RNF150: variants seen among roughly 807,000 people sequenced by gnomAD.
The protein encoded by RNF150 is ring finger protein 150.
A neutral mutation model predicts 39.3 loss-of-function variants in RNF150; 24 were observed. That is an observed-to-expected ratio of 0.61 (90% CI 0.44 to 0.86). The LOEUF (loss-of-function observed/expected upper bound fraction) is 0.86, where lower values mean the gene tolerates loss of function less well. Ranked by LOEUF, RNF150 falls within the 40% of genes least tolerant of loss-of-function variation. The pLI is 0.00. For missense variants in RNF150, 502 were observed against 587.8 expected (o/e 0.85, Z 1.51); for synonymous variants, 255 against 227.3 (o/e 1.12, Z -1.10).
In RNF150 at chr4:141,025,894, T is replaced by C. The variant is rs147540924; in HGVS notation, c.485-58021A>G. Among the ~76,000 whole-genome samples, 247 of 152,296 alleles carry C rather than the reference T, an allele frequency of 1.6e-3. 1 individual carries two copies. Among genetic ancestry groups the C allele is most frequent in the Non-Finnish European group, 2.4e-3 (163 of 68,020 alleles). On this transcript the variant is annotated intron_variant, in intron 1 of 6. Transcript: ENST00000515673. ...TTTATGTTGAAACCTGAATTTCCAA[T>C]GTGATGATATTTGGACGTAGGGCCT... is the stretch of plus-strand genomic sequence containing the variant.
intron 1 of RNF150, among the ~76,000 whole-genome samples, chr4:141,067,131 T>C (rs1006144610): frequency 2.6e-5 from 4 of 152,212 alleles, no homozygotes; most frequent in Non-Finnish European, 4.4e-5. Context: ...CAAAATGTTA[T>C]ATGGCACAGG....
intron 1 of RNF150, among the ~76,000 whole-genome samples, chr4:141,180,764 C>A (rs894314962): frequency 1.3e-5 from 2 of 152,102 alleles, no homozygotes; most frequent in Non-Finnish European, 2.9e-5. Context: ...AAGACTTCAT[C>A]TTTCTTTTTA....
intron 2 of RNF150, among the ~76,000 whole-genome samples, chr4:140,958,524 A>G (rs1489865698): frequency 1.3e-5 from 2 of 152,172 alleles, no homozygotes; most frequent in African/African-American, 4.8e-5. Context: ...AAATCATTTT[A>G]TATTTCTCTC....
chr4:141,186,574 ATT>A (rs35383472), intron 1 of RNF150, among the ~76,000 whole-genome samples: 164 of 144,306 alleles, frequency 1.1e-3, no homozygotes, highest in Non-Finnish European at 1.8e-3. Context: ...ATTTTTTTGT[ATT>A]TTTTTTTTTT....
At chr4:141,190,361 A>G (rs1301259192) in intron 1 of RNF150, among the ~76,000 whole-genome samples, 1 of 152,172 alleles carries the variant, frequency 6.6e-6, no homozygotes, top group African/African-American at 2.4e-5. Context: ...GGTGAGCCCT[A>G]AGAGAGAGAG....
At chr4:141,134,850 G>A (rs1237222363), upstream of RNF150, among the ~76,000 whole-genome samples, 2 of 152,194 alleles carry the variant, frequency 1.3e-5, no homozygotes, top group African/African-American at 2.4e-5. Context: ...AGAAACCCCC[G>A]GCTAGGTTCT....
chr4:141,058,397 T>C (rs1737078044), intron 1 of RNF150, among the ~76,000 whole-genome samples: 1 of 152,098 alleles, frequency 6.6e-6, no homozygotes, highest in African/African-American at 2.4e-5. Flanking sequence ...AAAATTTTGG[T>C]AGCTTTTTAA....
At position 141,002,246 on chromosome 4, in the gene RNF150, A is replaced by AT. The variant is rs539231948; in HGVS notation, c.485-34374dup. Among the ~76,000 whole-genome samples the AT allele has an allele frequency of 3.3e-3, 495 of 147,850 alleles. 1 individual carries two copies. The highest frequency in any genetic ancestry group is 0.01 in the African/African-American group (416 of 40,618). On this transcript the variant is annotated intron_variant, in intron 1 of 6. Transcript: ENST00000515673. Reference sequence around the variant, plus strand: ...ATGCTTTTTACCAGGGTTTTCCTAGATTTTTTTTTTTTACTTGCAAAGTAG... The same window carrying AT: ...ATGCTTTTTACCAGGGTTTTCCTAGATTTTTTTTTTTTTACTTGCAAAGTAG...
At chr4:140,945,599 T>G (rs1330063962) in intron 4 of RNF150, among the ~76,000 whole-genome samples, 1 of 147,352 alleles carries the variant, frequency 6.8e-6, no homozygotes, top group Non-Finnish European at 1.5e-5. Context: ...TATATACATA[T>G]ATACATATAT....
chr4:140,983,192 A>G (rs890450844), intron 1 of RNF150, among the ~76,000 whole-genome samples: 2 of 152,176 alleles, frequency 1.3e-5, no homozygotes, highest in Admixed American at 1.3e-4. Flanking sequence ...CACTCAGTAC[A>G]TACTGAAGCT....
chr4:140,901,232 C>G (rs771844929), intron 6 of RNF150, among the ~76,000 whole-genome samples: 1 of 152,176 alleles, frequency 6.6e-6, no homozygotes, highest in Non-Finnish European at 1.5e-5. Context: ...TCCTTTGCTG[C>G]TGTTTCCGCT....
chr4:141,151,219 C>G lies in RNF150; in HGVS notation c.-6+61575G>C, dbSNP rs181009384. 5.7e-3 allele frequency among the ~76,000 whole-genome samples: 864 copies of G among 152,232 alleles called. 7 individuals carry two copies. The highest frequency in any genetic ancestry group is 8.6e-3 in the Non-Finnish European group (587 of 68,010). ...TCAGCCTCCCAAAGTGCTGGGATTACAGGCATGAGCCAACATGCCCAGCCA... is the reference window on the plus strand; with the variant it reads ...TCAGCCTCCCAAAGTGCTGGGATTAGAGGCATGAGCCAACATGCCCAGCCA... On this transcript the variant is annotated intron_variant, in intron 1 of 7. Transcript: ENST00000420921.
chr4:140,903,053 G>A (rs1037416340), intron 6 of RNF150, among the ~76,000 whole-genome samples: 6 of 152,156 alleles, frequency 3.9e-5, no homozygotes, highest in African/African-American at 1.4e-4. Flanking sequence ...GACTTGGAAA[G>A]GTGCTAAGAC....
intron 1 of RNF150, among the ~76,000 whole-genome samples, chr4:141,064,682 C>G (rs868729130): frequency 6.6e-6 from 1 of 151,922 alleles, no homozygotes; most frequent in Non-Finnish European, 1.5e-5. Context: ...AAAACCACAG[C>G]AAAATAAAAG....
Position 140,865,844 on chromosome 4 carries a change from T to A in RNF150, c.*2417A>T, listed in dbSNP as rs1041414497. On this transcript the variant is annotated 3_prime_UTR_variant, in exon 7 of 7. Coordinates refer to ENST00000515673, the MANE Select transcript of RNF150 (RefSeq NM_020724.2). ...TAAACAATCCAAAGCGCATTCTCTC[T>A]CTGGGAATGGAATATAATTTATATT... 1 of 152,584 alleles carries A rather than the reference T, an allele frequency of 6.6e-6. No individual in the cohort carries two copies. The highest frequency in any genetic ancestry group is 2.4e-5 in the African/African-American group (1 of 41,466). 9.5% of individuals were successfully genotyped at this position (152,584 alleles called of 1,614,324 possible). A position where few individuals can be genotyped will look rare whatever the true frequency, so the allele number is the denominator to read the frequency against.
chr4:141,042,672 A>G (rs1736414982), intron 1 of RNF150, among the ~76,000 whole-genome samples: 1 of 152,170 alleles, frequency 6.6e-6, no homozygotes, highest in African/African-American at 2.4e-5. Context: ...TAAGTTGAAC[A>G]CTAAAAATCA....
chr4:140,887,131 T>C lies in RNF150; in HGVS notation c.1199-18752A>G, dbSNP rs547378369. Among the ~76,000 whole-genome samples the C allele has an allele frequency of 2.4e-4, 37 of 152,336 alleles. No homozygotes were observed. In the South Asian group the frequency reaches 2.5e-3, roughly 10 times the overall value. On this transcript the variant is annotated intron_variant, in intron 6 of 6. Transcript: ENST00000515673. ...ATTAGAAAGATAGGTGGTATTCAGA[T>C]TGCAGAAGGATTTGAATGCCAGGCT...
intron 5 of RNF150, among the ~76,000 whole-genome samples, chr4:140,917,380 G>A (rs62345043): frequency 0.021 from 3,118 of 152,044 alleles, 28 homozygotes; most frequent in East Asian, 0.039. Context: ...AAAAGGCAGG[G>A]GTTGCAATCC....
At chr4:140,996,733 C>T (rs1403649011) in intron 1 of RNF150, among the ~76,000 whole-genome samples, 1 of 152,126 alleles carries the variant, frequency 6.6e-6, no homozygotes, top group African/African-American at 2.4e-5. Context: ...AAGAAATATT[C>T]AAAGAGCAAA....
Sources: gnomAD v4.1 joint callset for allele counts (sites outside exome capture counted in the v4.1 genomes callset) on GRCh38, gnomAD v4.1.1 for gene constraint, MANE v1.5 for transcripts, NCBI Gene and HGNC (gene_info 2026-07-23, HGNC 2026-07-21) for gene names.